GDAP1: variants seen among roughly 807,000 people sequenced by gnomAD.
The protein encoded by GDAP1 is ganglioside induced differentiation associated protein 1, also known as ganglioside-induced differentiation-associated protein 1.
Under a neutral mutation model 40.1 loss-of-function variants are expected in GDAP1, and 34 were observed. The ratio of observed to expected loss-of-function variants is 0.85; its 90% confidence interval spans 0.64 to 1.13. The LOEUF is 1.13. Ranked by LOEUF, GDAP1 falls within the 50% of genes most tolerant of loss-of-function variation. The pLI, the probability that GDAP1 is intolerant of heterozygous loss-of-function variation, is 0.00. For synonymous variants in GDAP1, 170 were observed against 157.4 expected, an observed-to-expected ratio of 1.08 and a Z score of -0.60; for missense variants, 374 against 433.7, an observed-to-expected ratio of 0.86 and a Z score of 1.22.
chr8:74,418,441 T>A (rs1287178143), intron 2 of GDAP1, among the ~76,000 whole-genome samples: 1 of 152,226 alleles, frequency 6.6e-6, no homozygotes, highest in Non-Finnish European at 1.5e-5. Flanking sequence ...GCAGAGATAT[T>A]ATAATGTTTT....
At chr8:74,368,426 A>G (rs1809696172), downstream of GDAP1, among the ~76,000 whole-genome samples, 2 of 152,224 alleles carry the variant, frequency 1.3e-5, no homozygotes, top group Admixed American at 1.3e-4. Context: ...TTCAGTGCTC[A>G]AAAGAAAATG....
chr8:74,479,735 G>T (rs970096213), intron 2 of GDAP1, among the ~76,000 whole-genome samples: 2 of 152,068 alleles, frequency 1.3e-5, no homozygotes, highest in Non-Finnish European at 2.9e-5. Context: ...AAGCTTCTAG[G>T]ATAACTGGAC....
At chr8:74,360,089 C>A in intron 2 of GDAP1, 48 bp from the exon 3 acceptor site, 1 of 1,401,284 alleles carries the variant, frequency 7.1e-7, no homozygotes, top group South Asian at 1.2e-5. Flanking sequence ...TTGAGTGTAA[C>A]AACTCATGTG....
chr8:74,362,784 C>CTTT (rs1284434868), intron 4 of GDAP1, among the ~76,000 whole-genome samples, 155 bp from the exon 5 acceptor site: 4,855 of 60,394 alleles, frequency 0.08, 419 homozygotes, highest in Non-Finnish European at 0.11. Context: ...CTCTCTCTCT[C>CTTT]TTTTTTTTTT....
At chr8:74,463,479 A>G (rs1317951412) in intron 2 of GDAP1, among the ~76,000 whole-genome samples, 2 of 151,582 alleles carry the variant, frequency 1.3e-5, no homozygotes, top group Non-Finnish European at 2.9e-5. Context: ...AAACAAAAAT[A>G]GTATTTTAAC....
chr8:74,469,557 A>G (rs1418222545), intron 2 of GDAP1, among the ~76,000 whole-genome samples: 1 of 151,494 alleles, frequency 6.6e-6, no homozygotes, highest in Non-Finnish European at 1.5e-5. Context: ...AGTCCCAGCT[A>G]CTCGGGAGGC....
chr8:74,416,103 G>C (rs969742473), intron 2 of GDAP1, among the ~76,000 whole-genome samples: 2 of 149,820 alleles, frequency 1.3e-5, no homozygotes, highest in Non-Finnish European at 1.5e-5. Flanking sequence ...AGCAGAGGCA[G>C]CTATGCTCTT....
rs181811661 is a variant in GDAP1 at position 74,483,886 on chromosome 8, G to A, written c.166-4792G>A. Among the ~76,000 whole-genome samples the A allele has an allele frequency of 7.7e-4, 117 of 152,256 alleles. 1 individual carries two copies. The highest frequency in any genetic ancestry group is 1.2e-3 in the Admixed American group (18 of 15,272). On this transcript the variant is annotated intron_variant, in intron 2 of 2. Coordinates refer to the GDAP1 transcript ENST00000523640. ...GCTGTGTGTCCCAGGGCCACCTTAC[G>A]GGATAGTTGGCCAAAGACTTCTTTC... is the stretch of plus-strand genomic sequence containing the variant.
At chr8:74,370,789 A>C (rs1466830837), downstream of GDAP1, among the ~76,000 whole-genome samples, 3 of 152,244 alleles carry the variant, frequency 2.0e-5, no homozygotes, top group Non-Finnish European at 4.4e-5. Context: ...AAAGTATGGA[A>C]AGCGATATAC....
intron 2 of GDAP1, among the ~76,000 whole-genome samples, chr8:74,391,863 G>A (rs932718913): frequency 8.5e-5 from 13 of 152,064 alleles, no homozygotes; most frequent in African/African-American, 2.9e-4. Flanking sequence ...TTGTTGCCCA[G>A]GCTGGAGTGC....
At chr8:74,399,821 C>T (rs1392526752) in intron 2 of GDAP1, among the ~76,000 whole-genome samples, 5 of 136,974 alleles carry the variant, frequency 3.7e-5, no homozygotes, top group Non-Finnish European at 7.5e-5. Context: ...AGTAGTCATT[C>T]AGGAGCAGGT....
At chr8:74,382,280 T>C (rs1378351396) in intron 2 of GDAP1, among the ~76,000 whole-genome samples, 1 of 152,092 alleles carries the variant, frequency 6.6e-6, no homozygotes, top group Non-Finnish European at 1.5e-5. Context: ...TGCTCGTGTT[T>C]TACATTTTTT....
At chr8:74,466,983 A>G (rs1258822581) in intron 2 of GDAP1, among the ~76,000 whole-genome samples, 1 of 152,230 alleles carries the variant, frequency 6.6e-6, no homozygotes, top group African/African-American at 2.4e-5. Flanking sequence ...TCTAATCCAT[A>G]GCCCTAGTTA....
intron 5 of GDAP1, among the ~76,000 whole-genome samples, chr8:74,363,507 A>G (rs947414098): frequency 6.6e-6 from 1 of 152,230 alleles, no homozygotes; most frequent in Non-Finnish European, 1.5e-5. Context: ...CACATGGGCC[A>G]TTTATGCTAC....
intron 2 of GDAP1, among the ~76,000 whole-genome samples, chr8:74,463,157 C>T (rs867077955): frequency 1.8e-4 from 1 of 5,464 alleles, no homozygotes; most frequent in South Asian, 3.9e-3. Context: ...AGCATGACTT[C>T]AAGAATATTT....
At chr8:74,482,862 A>T (rs1806729487) in intron 2 of GDAP1, among the ~76,000 whole-genome samples, 1 of 152,204 alleles carries the variant, frequency 6.6e-6, no homozygotes. Context: ...GACACTAAGT[A>T]CCTGATGCTC....
chr8:74,415,067 T>A (rs1040969427), intron 2 of GDAP1, among the ~76,000 whole-genome samples: 2 of 150,090 alleles, frequency 1.3e-5, no homozygotes, highest in Admixed American at 1.3e-4. Context: ...ATCCAAAATT[T>A]ATGTCTAGCA....
rs121908114 is a variant in GDAP1 at position 74,363,051 on chromosome 8, C to T, written c.692C>T (p.Pro231Leu). The T allele has an allele frequency of 3.1e-5, 41 of 1,312,330 alleles. No individual in the cohort carries two copies. The Admixed American group carries it at 5.7e-4, about 18-fold the overall frequency. 81.3% of individuals were successfully genotyped at this position (1,312,330 alleles called of 1,614,324 possible). The stretch of plus-strand genomic sequence containing the variant: ...TTGCAAAGAAGAAATGAAGAAACCC[C>T]AGGTAGGTTCTCATTTATATTCTTT... The part of the protein sequence containing the change: ...TELQRRNEET[P>L]EEGQQPWLCG... Residue 231 changes from proline to leucine, a missense_variant and splice_region_variant, in exon 5 of 6, where the codon CCA (proline) becomes CTA (leucine). Transcript: ENST00000220822.
At chr8:74,393,457 AT>A (rs1810143382) in intron 2 of GDAP1, among the ~76,000 whole-genome samples, 1 of 152,252 alleles carries the variant, frequency 6.6e-6, no homozygotes, top group South Asian at 2.1e-4. Flanking sequence ...TTGGCCCCAA[AT>A]TTTTGTTTAA....
Sources: gnomAD v4.1 joint callset for allele counts (sites outside exome capture counted in the v4.1 genomes callset) on GRCh38, gnomAD v4.1.1 for gene constraint, MANE v1.5 for transcripts, NCBI Gene and HGNC (gene_info 2026-07-23, HGNC 2026-07-21) for gene names.